The following TEK variants were observed in gnomAD, a reference collection of about 807,000 sequenced individuals.
TEK encodes TEK receptor tyrosine kinase.
TEK carries 43 observed loss-of-function variants against 131.8 expected under a neutral mutation model. That is an observed-to-expected ratio of 0.33 (90% CI 0.26 to 0.42). The LOEUF (loss-of-function observed/expected upper bound fraction) is 0.42, where lower values mean the gene tolerates loss of function less well. Ranked by LOEUF, TEK falls within the 10% of genes least tolerant of loss-of-function variation. The pLI is 1.00. For synonymous variants in TEK, 580 were observed against 491.6 expected (o/e 1.18, Z -2.38); for missense variants, 1,162 against 1,384.4 (o/e 0.84, Z 2.55).
Position 27,109,363 on chromosome 9 carries a change from C to T in TEK, c.-228C>T, listed in dbSNP as rs1453926724. The T allele has an allele frequency of 2.6e-5, 16 of 618,988 alleles. No individual in the cohort carries two copies. In the East Asian group the frequency reaches 4.3e-4, roughly 17 times the overall value. The allele number at this position is 618,988 out of a possible 1,614,324, so 38.3% of individuals were successfully genotyped here. A position where few individuals can be genotyped will look rare whatever the true frequency, so the allele number is the denominator to read the frequency against. On this transcript the variant is annotated 5_prime_UTR_variant, in exon 1 of 23. Transcript: ENST00000380036. ...AATGCCTTTAAGATACAGCCTTTCC[C>T]ATCCTAATCTACAAAGGAAACAGGA...
intron 10 of TEK, among the ~76,000 whole-genome samples, chr9:27,191,629 A>C (rs1372351379): frequency 6.6e-6 from 1 of 151,976 alleles, no homozygotes; most frequent in Non-Finnish European, 1.5e-5. Context: ...TTTTGGGCTG[A>C]ATAACACTAG....
intron 9 of TEK, among the ~76,000 whole-genome samples, chr9:27,188,699 C>G (rs913029509): frequency 1.3e-5 from 2 of 152,168 alleles, no homozygotes; most frequent in African/African-American, 4.8e-5. Flanking sequence ...TAAGTCGTCA[C>G]TTAGTCAATA....
intron 1 of TEK, among the ~76,000 whole-genome samples, chr9:27,119,056 C>A (rs937700473): frequency 6.6e-6 from 1 of 152,184 alleles, no homozygotes; most frequent in South Asian, 2.1e-4. Context: ...TCTTTCAGTT[C>A]TGTGAGCTAG....
rs369855810 is a variant in TEK, at chr9:27,113,464, C to T, written c.52+3822C>T. On this transcript the variant is annotated intron_variant, in intron 1 of 22. Coordinates refer to ENST00000380036, the MANE Select transcript of TEK (RefSeq NM_000459.5). ...TTAGCAAGGTGTGGTGGTGTGTGCCCGTAGTCCTAGCTACTCGGGAGGCTT... is the reference window on the plus strand; with the variant it reads ...TTAGCAAGGTGTGGTGGTGTGTGCCTGTAGTCCTAGCTACTCGGGAGGCTT... Among the ~76,000 whole-genome samples the T allele has an allele frequency of 9.9e-5, 15 of 152,038 alleles. No individual in the cohort carries two copies. The South Asian group carries it at 1.7e-3, about 17-fold the overall frequency.
intron 2 of TEK, among the ~76,000 whole-genome samples, chr9:27,165,381 AT>A (rs1224095041): frequency 6.6e-6 from 1 of 152,192 alleles, no homozygotes; most frequent in Non-Finnish European, 1.5e-5. Flanking sequence ...CAAGAGCTGC[AT>A]GCATTTGGAG....
At chr9:27,135,475 T>C (rs1303544495) in intron 1 of TEK, among the ~76,000 whole-genome samples, 3 of 152,158 alleles carry the variant, frequency 2.0e-5, no homozygotes, top group Admixed American at 2.0e-4. Context: ...TCACAAATCA[T>C]CATCACCTTT....
Position 27,109,362 on chromosome 9 carries a change from C to T in TEK, c.-229C>T, listed in dbSNP as rs1821241537. The T allele has an allele frequency of 4.9e-6, 3 of 618,192 alleles. No homozygotes were observed. The East Asian group carries it at 8.1e-5, about 17-fold the overall frequency. The allele number at this position is 618,192 out of a possible 1,614,324, so 38.3% of individuals were successfully genotyped here. ...AAATGCCTTTAAGATACAGCCTTTC[C>T]CATCCTAATCTACAAAGGAAACAGG... On this transcript the variant is annotated 5_prime_UTR_variant, in exon 1 of 23. Transcript: ENST00000380036.
At position 27,113,496 on chromosome 9, in the gene TEK, G is replaced by A. The variant is rs541725268; in HGVS notation, c.52+3854G>A. 2.0e-3 allele frequency among the ~76,000 whole-genome samples: 311 copies of A among 152,280 alleles called. 1 individual carries two copies. The highest frequency in any genetic ancestry group is 7.1e-3 in the African/African-American group (295 of 41,552). Reference sequence around the variant, plus strand: ...CTAGCTACTCGGGAGGCTTAGACAGGAGGATCGCTTAAACCCAGGAGGCAG... The same window carrying A: ...CTAGCTACTCGGGAGGCTTAGACAGAAGGATCGCTTAAACCCAGGAGGCAG... On this transcript the variant is annotated intron_variant, in intron 1 of 22. Transcript: ENST00000380036.
At chr9:27,226,535 AACACATGG>A (rs1315206415) in intron 21 of TEK, among the ~76,000 whole-genome samples, 1 of 152,132 alleles carries the variant, frequency 6.6e-6, no homozygotes, top group Non-Finnish European at 1.5e-5. Context: ...TAAGGATGAG[AACACATGG>A]ACACAGGGAG....
chr9:27,205,248 T>C (rs557030447), intron 14 of TEK, among the ~76,000 whole-genome samples, 183 bp downstream of exon 14: 4 of 152,276 alleles, frequency 2.6e-5, no homozygotes, highest in Non-Finnish European at 5.9e-5. Context: ...TAATTTCTTA[T>C]CCAAACCAGA....
At chr9:27,217,142 ATC>A (rs1380697178) in intron 18 of TEK, among the ~76,000 whole-genome samples, 2 of 152,154 alleles carry the variant, frequency 1.3e-5, no homozygotes, top group Non-Finnish European at 2.9e-5. Context: ...AATCAGCTCA[ATC>A]TCTACTGTTA....
At chr9:27,172,847 T>G (rs746540175) in intron 5 of TEK, 100 bp downstream of exon 5, 15 of 1,509,006 alleles carry the variant, frequency 9.9e-6, no homozygotes, top group Non-Finnish European at 1.4e-5. Context: ...GGACGCTAAA[T>G]GGCCTCTGTT....
chr9:27,138,359 C>T (rs1423713288), intron 1 of TEK, among the ~76,000 whole-genome samples: 1 of 152,206 alleles, frequency 6.6e-6, no homozygotes, highest in African/African-American at 2.4e-5. Context: ...CTGATTGGTC[C>T]TTTTTACAGA....
intron 1 of TEK, among the ~76,000 whole-genome samples, chr9:27,146,746 G>T (rs4311734): frequency 3.8e-3 from 552 of 146,182 alleles, no homozygotes; most frequent in Middle Eastern, 0.021. Context: ...TTTTTGGCGG[G>T]GGGGACGGAG....
chr9:27,147,861 G>A (rs1430419810), intron 1 of TEK, among the ~76,000 whole-genome samples: 1 of 152,166 alleles, frequency 6.6e-6, no homozygotes, highest in East Asian at 1.9e-4. Context: ...CATTTTTGAC[G>A]TGAGATGGTG....
At chr9:27,172,043 A>G (rs991637975) in intron 4 of TEK, among the ~76,000 whole-genome samples, 2 of 152,194 alleles carry the variant, frequency 1.3e-5, no homozygotes, top group Non-Finnish European at 2.9e-5. Context: ...TGTTTTTCCT[A>G]ATCTCTGCTC....
intron 21 of TEK, among the ~76,000 whole-genome samples, chr9:27,227,872 A>G (rs528679816): frequency 6.6e-6 from 1 of 152,268 alleles, no homozygotes; most frequent in Non-Finnish European, 1.5e-5. Flanking sequence ...AAGTTTGAGC[A>G]TGGGCCCTTT....
chr9:27,124,871 A>G (rs983225164), intron 1 of TEK, among the ~76,000 whole-genome samples: 4 of 152,192 alleles, frequency 2.6e-5, no homozygotes, highest in African/African-American at 7.2e-5. Context: ...TATGAGGTCT[A>G]TCCCACCAGA....
At chr9:27,216,674 C>A (rs2131237063) in intron 18 of TEK, among the ~76,000 whole-genome samples, 1 of 152,322 alleles carries the variant, frequency 6.6e-6, no homozygotes, top group Middle Eastern at 3.4e-3. Context: ...AATATTGCCA[C>A]TCCACAAAGA....
Sources: gnomAD v4.1 joint callset for allele counts (sites outside exome capture counted in the v4.1 genomes callset) on GRCh38, gnomAD v4.1.1 for gene constraint, MANE v1.5 for transcripts, NCBI Gene and HGNC (gene_info 2026-07-23, HGNC 2026-07-21) for gene names.